The following IGFN1 variants were observed in gnomAD, a reference collection of about 807,000 sequenced individuals.
IGFN1 encodes the protein immunoglobulin like and fibronectin type III domain containing 1.
Under a neutral mutation model 289.5 loss-of-function variants are expected in IGFN1, and 253 were observed. The ratio of observed to expected loss-of-function variants is 0.87; its 90% CI spans 0.79 to 0.97. The LOEUF (loss-of-function observed/expected upper bound fraction) is 0.97, where lower values mean the gene tolerates loss of function less well. Among genes scored for constraint, IGFN1 ranks in the 50% least tolerant of loss-of-function variants. IGFN1 has a pLI of 0.00. For missense variants in IGFN1, 4,470 were observed against 4,686.1 expected (o/e 0.95, Z 1.35); for synonymous variants, 1,706 against 1,788.5 (o/e 0.95, Z 1.16).
In IGFN1 at chr1:201,207,544, A is replaced by G; in HGVS notation, c.2651A>G (p.Asp884Gly). Residue 884 changes from aspartate (D) to glycine (G), a missense_variant, in exon 12 of 24, where the codon GAT becomes GGT. Physicochemically the swap from Asp to Gly is moderately conservative, Grantham distance 94. Transcript: ENST00000335211. The part of the protein sequence containing the change: ...AGLTESGQGV[D>G]ARSHWLSRAP... The stretch of plus-strand genomic sequence containing the variant: ...CTGACGGAGTCTGGTCAGGGGGTGG[A>G]TGCCAGAAGCCACTGGCTAAGTAGG... The G allele has an allele frequency of 6.5e-7, 1 of 1,536,868 alleles. No homozygotes were observed. Among genetic ancestry groups the G allele is most frequent in the Non-Finnish European group, 8.7e-7 (1 of 1,146,808 alleles).
In IGFN1 at chr1:201,213,143, T is replaced by C; in HGVS notation, c.8250T>C (p.Ser2750=). Residue 2750 remains serine, a synonymous_variant, in exon 12 of 24, where the codon TCT becomes TCC. Transcript: ENST00000335211. ...ATGGTCCCTTTGGCAGAAAAGCCTC[T>C]AGAGATAGGTCAGGAGGGACCCAGG... The part of the protein sequence containing the change: ...GLDGPFGRKA[S]RDRSGGTQDL... 2 of 1,551,554 alleles carry C rather than the reference T, an allele frequency of 1.3e-6. No homozygotes were observed. Among genetic ancestry groups the C allele is most frequent in the South Asian group, 1.2e-5 (1 of 84,054 alleles).
chr1:201,204,996 G>A (rs1667336903), intron 10 of IGFN1, 86 bp from the exon 11 acceptor site: 1 of 1,378,718 alleles, frequency 7.3e-7, no homozygotes, highest in Admixed American at 2.4e-5. Context: ...GTCTAAGCCA[G>A]GATTTCTGAA....
Position 201,222,828 on chromosome 1 carries a change from G to A in IGFN1, c.10290+1G>A. On this transcript the variant is annotated splice_donor_variant, in intron 20 of 23. Transcript: ENST00000335211. LOFTEE classifies it high-confidence loss of function. ...AGTTCGTGTGCCCGTCTCCTTTGAA[G>A]TGAGTGTACCTGCAGGGGTGTGGGG... 6.2e-7 allele frequency: 1 copy of A among 1,610,338 alleles called. No individual in the cohort carries two copies. The highest frequency in any genetic ancestry group is 8.5e-7 in the Non-Finnish European group (1 of 1,177,212).
chr1:201,226,985 GTGCTGCAT>G lies in IGFN1; in HGVS notation c.10891_10898del (p.Cys3631GlufsTer18), dbSNP rs1654141824. On this transcript the variant is annotated frameshift_variant, in exon 23 of 24. Coordinates refer to ENST00000335211, the MANE Select transcript of IGFN1 (RefSeq NM_001164586.2). LOFTEE classifies it high-confidence loss of function. ...CCCACCTGCTGCCCCAGGGCTGCGA[GTGCTGCAT>G]GAGCTGTGCCGTGCAGGGCTCGCCC... is the stretch of plus-strand genomic sequence containing the variant. The G allele has an allele frequency of 6.2e-7, 1 of 1,613,164 alleles. No individual in the cohort carries two copies. Among genetic ancestry groups the G allele is most frequent in the East Asian group, 2.2e-5 (1 of 44,898 alleles).
At chr1:201,227,569 AG>A (rs1558164530) in intron 23 of IGFN1, among the ~76,000 whole-genome samples, 7 of 151,934 alleles carry the variant, frequency 4.6e-5, no homozygotes, top group African/African-American at 9.7e-5. Flanking sequence ...CTGGGATTAC[AG>A]GCATCCGCCA....
Position 201,214,304 on chromosome 1 carries a change from A to G in IGFN1, c.8853+3A>G. 6.2e-7 allele frequency: 1 copy of G among 1,605,454 alleles called. No individual in the cohort carries two copies. The highest frequency in any genetic ancestry group is 1.7e-5 in the Admixed American group (1 of 59,772). On this transcript the variant is annotated splice_donor_region_variant and intron_variant, in intron 13 of 23. Transcript: ENST00000335211. The stretch of plus-strand genomic sequence containing the variant: ...CCTGGTTTAAGGATGGCGTCAAGGT[A>G]CTGCCTCCCCTCACACCTTCTCTTT...
chr1:201,227,467 G>A (rs1378716853), intron 23 of IGFN1, among the ~76,000 whole-genome samples: 1 of 148,756 alleles, frequency 6.7e-6, no homozygotes, highest in Non-Finnish European at 1.5e-5. Context: ...CGCTCTTGTT[G>A]CCCAGGTTGG....
rs142763612 is a variant in IGFN1 at position 201,215,503 on chromosome 1, C to G, written c.8996-36C>G. ...TTCTATATTCCCCAGGTGCCCAGTG[C>G]CCTGGTCTTCCTTGACTCTCTTGTT... On this transcript the variant is annotated intron_variant, in intron 14 of 23. Transcript: ENST00000335211. 663 of 1,514,002 alleles carry G rather than the reference C, an allele frequency of 4.4e-4. 1 individual carries two copies. In the African/African-American group the frequency reaches 8.2e-3, roughly 19 times the overall value. 93.8% of individuals were successfully genotyped at this position (1,514,002 alleles called of 1,614,324 possible).
intron 1 of IGFN1, among the ~76,000 whole-genome samples, chr1:201,191,946 A>C (rs6704058): frequency 0.75 from 112,038 of 149,304 alleles, 42,024 homozygotes; most frequent in Non-Finnish European, 0.8. Context: ...ACCGACTGGC[A>C]CCAGTGCACT....
Position 201,211,129 on chromosome 1 carries a change from G to T in IGFN1, c.6236G>T (p.Gly2079Val). ...AGGAAGGATTTAGGGGCTCCTAAGG[G>T]AATGGGTTCAGGGAGTAAGACAGGT... The part of the protein sequence containing the change: ...GYRKDLGAPK[G>V]MGSGSKTGFR... The change falls in exon 12 of 24, where the codon GGA (glycine) becomes GTA (valine). Residue 2079 changes from glycine to valine, a missense_variant. Physicochemically the swap from Gly to Val is moderately radical, Grantham distance 109 (BLOSUM62 -3). Around this residue, in one of 8 missense-constraint regions of IGFN1, gnomAD observed 2,218 missense variants for 2,114.1 expected, o/e 1.05. Coordinates refer to ENST00000335211, the MANE Select transcript of IGFN1 (RefSeq NM_001164586.2). The T allele has an allele frequency of 6.5e-7, 1 of 1,529,032 alleles. No homozygotes were observed. The highest frequency in any genetic ancestry group is 2.5e-5 in the East Asian group (1 of 40,532). The allele number at this position is 1,529,032 out of a possible 1,614,324, so 94.7% of individuals were successfully genotyped here.
At chr1:201,224,041 G>T (rs2102371415) in intron 20 of IGFN1, among the ~76,000 whole-genome samples, 1 of 152,264 alleles carries the variant, frequency 6.6e-6, no homozygotes, top group South Asian at 2.1e-4. Context: ...ACAATCCTGT[G>T]AGGTCAGTTA....
chr1:201,224,931 A>T, intron 21 of IGFN1, 57 bp downstream of exon 21: 2 of 1,358,300 alleles, frequency 1.5e-6, no homozygotes, highest in Non-Finnish European at 2.0e-6. Flanking sequence ...ACCAAGGCAA[A>T]GAGGTGTCCA....
chr1:201,212,603 G>T lies in IGFN1; in HGVS notation c.7710G>T (p.Gly2570=), dbSNP rs1046380453. The T allele has an allele frequency of 3.6e-5, 56 of 1,546,794 alleles. No individual in the cohort carries two copies. Among genetic ancestry groups the T allele is most frequent in the Non-Finnish European group, 4.5e-5 (52 of 1,144,832 alleles). ...ACAGGGGTAGAGTTGCTGGCCAGGG[G>T]GGGTTGGCATCTCAGGGAGGTGGGG... ...MTDRGRVAGQ[G]GLASQGGGDS... The change falls in exon 12 of 24, where the codon GGG becomes GGT. Residue 2570 remains glycine (G), a synonymous_variant. Coordinates refer to ENST00000335211, the MANE Select transcript of IGFN1 (RefSeq NM_001164586.2).
At position 201,217,418 on chromosome 1, in the gene IGFN1, G is replaced by C; in HGVS notation, c.9727G>C (p.Gly3243Arg). The C allele has an allele frequency of 3.1e-6, 5 of 1,614,212 alleles. No homozygotes were observed. Among genetic ancestry groups the C allele is most frequent in the Non-Finnish European group, 4.2e-6 (5 of 1,180,034 alleles). The part of the protein sequence containing the change: ...LGYLIERRKK[G>R]SNTWTAVNDQ... ...CTACCTGATCGAGAGGCGTAAGAAGGGGAGCAACACCTGGACGGCAGTGAA... is the reference window on the plus strand; with the variant it reads ...CTACCTGATCGAGAGGCGTAAGAAGCGGAGCAACACCTGGACGGCAGTGAA... The change falls in exon 17 of 24, where the codon GGG (glycine) becomes CGG (arginine). Residue 3243 changes from glycine to arginine, a missense_variant. This residue lies in a region of IGFN1 where 2,218 missense variants were observed against 2,114.1 expected (regional missense o/e 1.05). Coordinates refer to ENST00000335211, the MANE Select transcript of IGFN1 (RefSeq NM_001164586.2).
At position 201,221,632 on chromosome 1, in the gene IGFN1, G is replaced by T. The variant is rs372363382; in HGVS notation, c.10087G>T (p.Ala3363Ser). The T allele has an allele frequency of 4.3e-6, 7 of 1,614,106 alleles. No homozygotes were observed. In the African/African-American group the frequency reaches 9.3e-5, roughly 22 times the overall value. ...CACCGTGCCAGTCACCACCTACACGGCCAAGGGGCTTCGGCCTGGAGAGGG... is the reference window on the plus strand; with the variant it reads ...CACCGTGCCAGTCACCACCTACACGTCCAAGGGGCTTCGGCCTGGAGAGGG... ...VGTVPVTTYT[A>S]KGLRPGEGYF... Residue 3363 changes from alanine (A) to serine (S), a missense_variant, in exon 19 of 24, where the codon GCC becomes TCC. By Grantham distance (99) the Ala-to-Ser change is moderately conservative. Transcript: ENST00000335211.
At chr1:201,197,834 T>C (rs1219945387) in intron 5 of IGFN1, among the ~76,000 whole-genome samples, 1 of 152,214 alleles carries the variant, frequency 6.6e-6, no homozygotes, top group African/African-American at 2.4e-5. Context: ...GTCTCGCCAT[T>C]GGTTATGCTT....
chr1:201,228,681 T>G lies in IGFN1; in HGVS notation c.*282T>G, dbSNP rs1571506328. On this transcript the variant is annotated 3_prime_UTR_variant, in exon 24 of 24. Transcript: ENST00000335211. ...CATATGGGTTTCTTTCTTCTTCGCT[T>G]CAGGAGATCCAGAGGGCACCTGCCT... 1.0e-5 allele frequency: 5 copies of G among 490,406 alleles called. No individual in the cohort carries two copies. In the East Asian group the frequency reaches 1.8e-4, roughly 18 times the overall value. 30.4% of individuals were successfully genotyped at this position (490,406 alleles called of 1,614,324 possible).
chr1:201,212,085 G>C lies in IGFN1; in HGVS notation c.7192G>C (p.Gly2398Arg). ...HRSGYWVASE[G>R]DTNSKDGPER... is the part of the protein sequence containing the mutation. ...GTCAGGATATTGGGTAGCATCAGAG[G>C]GTGACACGAACTCCAAGGATGGTCC... is the stretch of plus-strand genomic sequence containing the variant. Residue 2398 changes from glycine to arginine, a missense_variant, in exon 12 of 24, where the codon GGT becomes CGT. Gly to Arg is a moderately radical substitution (Grantham distance 125, BLOSUM62 -2). Around this residue, in one of 8 missense-constraint regions of IGFN1, gnomAD observed 2,218 missense variants for 2,114.1 expected, o/e 1.05. Transcript: ENST00000335211. The C allele has an allele frequency of 6.5e-7, 1 of 1,536,416 alleles. No individual in the cohort carries two copies. The highest frequency in any genetic ancestry group is 8.7e-7 in the Non-Finnish European group (1 of 1,146,786).
Position 201,217,634 on chromosome 1 carries a change from C to A in IGFN1, c.9769+174C>A, listed in dbSNP as rs551060371. On this transcript the variant is annotated intron_variant, in intron 17 of 23. Transcript: ENST00000335211. ...GGTGGAGGGTAAATGTTACAGGCAT[C>A]TAGTGCAAAGAGGTCGGGGATGCTG... is the stretch of plus-strand genomic sequence containing the variant. Among the ~76,000 whole-genome samples, 3 of 152,278 alleles carry A rather than the reference C, an allele frequency of 2.0e-5. No homozygotes were observed. In the East Asian group the frequency reaches 5.8e-4, roughly 29 times the overall value.
Sources: gnomAD v4.1 joint callset for allele counts (sites outside exome capture counted in the v4.1 genomes callset) on GRCh38, gnomAD v4.1.1 for gene constraint, gnomAD v4.1.1 regional missense constraint, MANE v1.5 for transcripts, NCBI Gene and HGNC (gene_info 2026-07-23, HGNC 2026-07-21) for gene names.